Variants in MTUS2 observed in about 807,000 individuals in gnomAD.
The protein encoded by MTUS2 is microtubule-associated tumor suppressor candidate 2.
In MTUS2, 40 loss-of-function variants were observed where a neutral mutation model predicts 114.1. The observed-to-expected ratio is 0.35, with a 90% CI of 0.27 to 0.46. The LOEUF (loss-of-function observed/expected upper bound fraction) is 0.46, where lower values mean the gene tolerates loss of function less well. MTUS2 is among the 20% of genes least tolerant of loss of function. The pLI is 1.00. For synonymous variants in MTUS2, 688 were observed against 672.0 expected (o/e 1.02, Z -0.37); for missense variants, 1,679 against 1,705.4 (o/e 0.98, Z 0.27).
In MTUS2 at chr13:29,503,126, C is replaced by T. The variant is rs1361963593; in HGVS notation, c.4030C>T (p.Leu1344Phe). The T allele has an allele frequency of 6.2e-7, 1 of 1,614,136 alleles. No homozygotes were observed. Among genetic ancestry groups the T allele is most frequent in the Non-Finnish European group, 8.5e-7 (1 of 1,180,050 alleles). Residue 1344 changes from leucine to phenylalanine, a missense_variant, in exon 16 of 16, where the codon CTC (leucine) becomes TTC (phenylalanine). Coordinates refer to ENST00000612955, the MANE Select transcript of MTUS2 (RefSeq NM_001033602.4). ...TGGGGACCCGACCAGTCCGATTAAACTCTCGCCCACATCTCCCGTTTACCG... is the reference window on the plus strand; with the variant it reads ...TGGGGACCCGACCAGTCCGATTAAATTCTCGCCCACATCTCCCGTTTACCG... The part of the protein sequence containing the change: ...QTGDPTSPIK[L>F]SPTSPVYRGS...
chr13:28,989,857 T>G (rs9508209), intron 2 of MTUS2, among the ~76,000 whole-genome samples: 99 of 85,878 alleles, frequency 1.2e-3, no homozygotes, highest in Middle Eastern at 5.6e-3. Flanking sequence ...GTTTTGTTTT[T>G]TTTTTTTTTT....
chr13:29,122,841 C>T (rs1403499380), intron 5 of MTUS2, among the ~76,000 whole-genome samples: 2 of 152,220 alleles, frequency 1.3e-5, no homozygotes, highest in African/African-American at 2.4e-5. Context: ...ATCACTGGCT[C>T]TCTCCTTCAA....
intron 2 of MTUS2, among the ~76,000 whole-genome samples, chr13:28,865,920 G>T (rs1877272898): frequency 6.6e-6 from 1 of 152,156 alleles, no homozygotes; most frequent in Non-Finnish European, 1.5e-5. Flanking sequence ...AACAATACTA[G>T]AATCAAACCA....
At chr13:29,139,131 T>A (rs1364339585) in intron 5 of MTUS2, among the ~76,000 whole-genome samples, 2 of 152,146 alleles carry the variant, frequency 1.3e-5, no homozygotes, top group Non-Finnish European at 2.9e-5. Flanking sequence ...CTCAGGCACT[T>A]ATGCATGTAA....
intron 5 of MTUS2, among the ~76,000 whole-genome samples, chr13:29,212,517 T>C (rs1451394392): frequency 2.0e-5 from 3 of 152,192 alleles, no homozygotes; most frequent in Non-Finnish European, 4.4e-5. Context: ...CCCCTCACTT[T>C]AGGTGCCAAC....
intron 5 of MTUS2, among the ~76,000 whole-genome samples, chr13:29,200,648 G>T (rs1005773900): frequency 6.7e-6 from 1 of 149,392 alleles, no homozygotes; most frequent in African/African-American, 2.5e-5. Context: ...AGCCTCCCAA[G>T]TAGTGGGAAT....
chr13:29,095,652 A>G (rs1890146816), intron 4 of MTUS2, among the ~76,000 whole-genome samples: 1 of 149,956 alleles, frequency 6.7e-6, no homozygotes, highest in Non-Finnish European at 1.5e-5. Context: ...GGCTCCACTT[A>G]TTTTTCTTCA....
intron 5 of MTUS2, among the ~76,000 whole-genome samples, chr13:29,136,365 C>T (rs960662203): frequency 2.6e-5 from 4 of 152,154 alleles, no homozygotes; most frequent in South Asian, 2.1e-4. Flanking sequence ...ATCTCCTGAG[C>T]GATAAGAGGG....
At position 28,936,552 on chromosome 13, in the gene MTUS2, G is replaced by A. The variant is rs113580874; in HGVS notation, c.-242-87905G>A. Among the ~76,000 whole-genome samples the A allele has an allele frequency of 6.5e-3, 983 of 152,198 alleles. 5 individuals carry two copies. The highest frequency in any genetic ancestry group is 0.01 in the Non-Finnish European group (711 of 68,012). ...GGACTGAGTGTCTGGTGTGGCTTGG[G>A]GGAAGAACATGGAGTGCCTTCCTCT... On this transcript the variant is annotated intron_variant, in intron 2 of 15. Transcript: ENST00000612955.
intron 9 of MTUS2, among the ~76,000 whole-genome samples, chr13:29,445,542 C>T (rs1878214237): frequency 6.6e-6 from 1 of 152,196 alleles, no homozygotes; most frequent in Admixed American, 6.5e-5. Context: ...TCCATGCCCT[C>T]TGGGTGCACC....
At chr13:29,002,571 G>A (rs1028496911) in intron 2 of MTUS2, among the ~76,000 whole-genome samples, 5 of 152,166 alleles carry the variant, frequency 3.3e-5, no homozygotes, top group African/African-American at 1.2e-4. Context: ...CAGATGCAGG[G>A]AAAATTAAAG....
At chr13:28,866,317 CTT>C (rs1841415157) in intron 2 of MTUS2, among the ~76,000 whole-genome samples, 1 of 152,174 alleles carries the variant, frequency 6.6e-6, no homozygotes, top group African/African-American at 2.4e-5. Context: ...TTTCTTCTCT[CTT>C]GTGAAATTCA....
chr13:29,133,623 G>A (rs1042275293), intron 5 of MTUS2, among the ~76,000 whole-genome samples: 1 of 152,162 alleles, frequency 6.6e-6, no homozygotes, highest in Non-Finnish European at 1.5e-5. Context: ...TCCCCCCATT[G>A]AATAGTCATG....
At chr13:29,028,144 A>G (rs1225843351) in intron 3 of MTUS2, among the ~76,000 whole-genome samples, 1 of 145,734 alleles carries the variant, frequency 6.9e-6, no homozygotes, top group Non-Finnish European at 1.5e-5. Context: ...CAAGGTCAGG[A>G]GATCGAGACC....
Position 29,026,163 on chromosome 13 carries a change from C to G in MTUS2, c.1465C>G (p.Pro489Ala). The change falls in exon 3 of 16, where the codon CCT (proline) becomes GCT (alanine). Residue 489 changes from proline (P) to alanine (A), a missense_variant. Pro to Ala is a conservative substitution (Grantham distance 27). This residue lies in a region of MTUS2 where 843 missense variants were observed against 770.8 expected (regional missense o/e 1.09). Transcript: ENST00000612955. Reference protein sequence around the residue: ...NKTEVPEPLDPQSGRSEARES... With the variant: ...NKTEVPEPLDAQSGRSEARES... ...GACGGAGGTGCCTGAGCCCCTGGACCCTCAAAGTGGCCGCTCAGAAGCACG... is the reference window on the plus strand; with the variant it reads ...GACGGAGGTGCCTGAGCCCCTGGACGCTCAAAGTGGCCGCTCAGAAGCACG... 1 of 1,613,958 alleles carries G rather than the reference C, an allele frequency of 6.2e-7. No homozygotes were observed. The highest frequency in any genetic ancestry group is 8.5e-7 in the Non-Finnish European group (1 of 1,179,874).
chr13:29,311,186 C>T (rs1478435002), intron 6 of MTUS2, among the ~76,000 whole-genome samples: 1 of 152,146 alleles, frequency 6.6e-6, no homozygotes, highest in Non-Finnish European at 1.5e-5. Flanking sequence ...ATTGTTACCG[C>T]CACAGGTGAA....
At chr13:28,852,135 G>T (rs1876317791) in intron 2 of MTUS2, among the ~76,000 whole-genome samples, 1 of 152,092 alleles carries the variant, frequency 6.6e-6, no homozygotes, top group African/African-American at 2.4e-5. Flanking sequence ...ATTTAGCACA[G>T]GGCTGGCTCT....
chr13:29,313,375 T>G (rs1899853858), intron 6 of MTUS2, among the ~76,000 whole-genome samples: 1 of 152,128 alleles, frequency 6.6e-6, no homozygotes, highest in Non-Finnish European at 1.5e-5. Context: ...ATTTATGGCT[T>G]GGGCAAAAAA....
chr13:29,402,520 A>C (rs1445941540), intron 8 of MTUS2, among the ~76,000 whole-genome samples: 1 of 144,220 alleles, frequency 6.9e-6, no homozygotes, highest in African/African-American at 2.5e-5. Context: ...CAAACAGAAG[A>C]TACAGGAAGA....
Sources: allele counts gnomAD v4.1 joint callset (sites outside exome capture counted in the v4.1 genomes callset), GRCh38; gene constraint gnomAD v4.1.1; regional missense constraint gnomAD v4.1.1; transcripts MANE v1.5; gene names NCBI Gene and HGNC (gene_info 2026-07-23, HGNC 2026-07-21).